The following PPP4R4 variants were observed in gnomAD, a reference collection of about 807,000 sequenced individuals.
PPP4R4 encodes the protein serine/threonine-protein phosphatase 4 regulatory subunit 4.
In PPP4R4, 70 loss-of-function variants were observed where a neutral mutation model predicts 121.8. The observed-to-expected ratio is 0.57, with a 90% CI of 0.47 to 0.70. The LOEUF is 0.70. Ranked by LOEUF, PPP4R4 falls within the 30% of genes least tolerant of loss-of-function variation. The pLI is 0.00. For synonymous variants in PPP4R4, 348 were observed against 355.7 expected, an observed-to-expected ratio of 0.98 and a Z score of 0.24; for missense variants, 875 against 1,033.6, an observed-to-expected ratio of 0.85 and a Z score of 2.10.
In PPP4R4 at chr14:94,174,461, G is replaced by C. The variant is rs1370525787; in HGVS notation, c.-5G>C. The C allele has an allele frequency of 1.9e-5, 31 of 1,592,654 alleles. No individual in the cohort carries two copies. Among genetic ancestry groups the C allele is most frequent in the Non-Finnish European group, 2.6e-5 (30 of 1,171,332 alleles). Reference sequence around the variant, plus strand: ...GGCCCGGGCGGCGAGAGTGCCCGGCGGTCCATGCATCCGCCGCCGCCCGCC... The same window carrying C: ...GGCCCGGGCGGCGAGAGTGCCCGGCCGTCCATGCATCCGCCGCCGCCCGCC... On this transcript the variant is annotated 5_prime_UTR_variant, in exon 1 of 25. Coordinates refer to ENST00000304338, the MANE Select transcript of PPP4R4 (RefSeq NM_058237.2).
intron 2 of PPP4R4, among the ~76,000 whole-genome samples, chr14:94,190,455 G>T (rs893179392): frequency 2.6e-5 from 4 of 152,138 alleles, no homozygotes; most frequent in African/African-American, 9.6e-5. Flanking sequence ...TAAAAAATTA[G>T]CCAGGTGTGG....
At chr14:94,260,899 A>AT (rs1460955490) in intron 19 of PPP4R4, among the ~76,000 whole-genome samples, 4 of 151,640 alleles carry the variant, frequency 2.6e-5, no homozygotes, top group African/African-American at 7.3e-5. Flanking sequence ...AAGATCATAG[A>AT]TTTTTTCCTC....
intron 1 of PPP4R4, among the ~76,000 whole-genome samples, chr14:94,174,950 C>A (rs1315835044): frequency 6.9e-6 from 1 of 145,274 alleles, no homozygotes; most frequent in Non-Finnish European, 1.5e-5. Context: ...CCAGCGTCCT[C>A]CGTCGCGGAC....
At chr14:94,204,177 C>G (rs1350536581) in intron 2 of PPP4R4, among the ~76,000 whole-genome samples, 1 of 152,046 alleles carries the variant, frequency 6.6e-6, no homozygotes, top group Non-Finnish European at 1.5e-5. Flanking sequence ...CACACTTGAT[C>G]TTAGTGAAAA....
chr14:94,197,036 A>G (rs1413015991), intron 2 of PPP4R4, among the ~76,000 whole-genome samples: 1 of 152,160 alleles, frequency 6.6e-6, no homozygotes, highest in Admixed American at 6.5e-5. Flanking sequence ...TCAGGGCTCT[A>G]GAGCTCCCTT....
At position 94,278,727 on chromosome 14, in the gene PPP4R4, C is replaced by T. The variant is rs1457024477; in HGVS notation, c.*84C>T. The T allele has an allele frequency of 1.5e-6, 2 of 1,317,460 alleles. No homozygotes were observed. Among genetic ancestry groups the T allele is most frequent in the East Asian group, 5.5e-5 (2 of 36,286 alleles). 81.6% of individuals were successfully genotyped at this position (1,317,460 alleles called of 1,614,324 possible). A position where few individuals can be genotyped will look rare whatever the true frequency, so the allele number is the denominator to read the frequency against. Reference sequence around the variant, plus strand: ...ACAAAAGCTAAAGCAGTGGCTGGGGCTTTGTTTTTAAATTTTGGGTTTTTT... The same window carrying T: ...ACAAAAGCTAAAGCAGTGGCTGGGGTTTTGTTTTTAAATTTTGGGTTTTTT... On this transcript the variant is annotated 3_prime_UTR_variant, in exon 25 of 25. Transcript: ENST00000304338.
intron 2 of PPP4R4, among the ~76,000 whole-genome samples, chr14:94,199,800 G>A (rs548597734): frequency 5.3e-5 from 8 of 152,254 alleles, no homozygotes; most frequent in East Asian, 3.9e-4. Context: ...ATGCGGATGC[G>A]CTCCTCTTGA....
chr14:94,202,599 G>GTTT (rs1348211676), intron 2 of PPP4R4, among the ~76,000 whole-genome samples: 1 of 152,144 alleles, frequency 6.6e-6, no homozygotes. Context: ...TAAATCATGG[G>GTTT]TACATACTGG....
chr14:94,259,188 G>T (rs2139623804), intron 18 of PPP4R4, 107 bp from the exon 19 acceptor site: 6 of 1,483,930 alleles, frequency 4.0e-6, no homozygotes, highest in Non-Finnish European at 5.4e-6. Flanking sequence ...ATGAAATTTG[G>T]ATGGGGACAC....
At chr14:94,256,639 T>A in intron 17 of PPP4R4, 35 bp downstream of exon 17, 1 of 1,535,704 alleles carries the variant, frequency 6.5e-7, no homozygotes, top group Non-Finnish European at 8.9e-7. Flanking sequence ...TTGCATTTTT[T>A]GCATTAAGGC....
intron 3 of PPP4R4, among the ~76,000 whole-genome samples, chr14:94,223,038 T>C (rs1269286190): frequency 6.6e-6 from 1 of 152,186 alleles, no homozygotes; most frequent in Non-Finnish European, 1.5e-5. Flanking sequence ...TTATTGTATT[T>C]ATCTAGTCTA....
chr14:94,206,315 A>G (rs1010691103), intron 2 of PPP4R4, among the ~76,000 whole-genome samples: 37 of 151,808 alleles, frequency 2.4e-4, no homozygotes, highest in African/African-American at 8.9e-4. Flanking sequence ...TCTATGATAC[A>G]TTATTTTCCA....
At chr14:94,215,190 C>T (rs922169174) in intron 3 of PPP4R4, among the ~76,000 whole-genome samples, 3 of 152,002 alleles carry the variant, frequency 2.0e-5, no homozygotes, top group African/African-American at 7.3e-5. Context: ...CTAACAGCTC[C>T]GTGTGATGTA....
chr14:94,242,308 A>G lies in PPP4R4; in HGVS notation c.1166A>G (p.Asp389Gly). 2 of 1,611,426 alleles carry G rather than the reference A, an allele frequency of 1.2e-6. No homozygotes were observed. The highest frequency in any genetic ancestry group is 1.7e-6 in the Non-Finnish European group (2 of 1,178,182). ...YNFPAMIVFV[D>G]PKNFHMELYS... ...CACCAGGCCATGATTGTTTTTGTTG[A>G]TCCTAAAAACTTCCACATGGAACTC... Residue 389 changes from aspartate (D) to glycine (G), a missense_variant, in exon 11 of 25, where the codon GAT (aspartate) becomes GGT (glycine). Physicochemically the swap from Asp to Gly is moderately conservative, Grantham distance 94. Coordinates refer to ENST00000304338, the MANE Select transcript of PPP4R4 (RefSeq NM_058237.2).
intron 23 of PPP4R4, among the ~76,000 whole-genome samples, chr14:94,271,386 C>G (rs541375736): frequency 9.2e-5 from 14 of 152,308 alleles, no homozygotes; most frequent in Non-Finnish European, 1.8e-4. Context: ...TGTAATACAT[C>G]ACACTAACAG....
chr14:94,240,854 T>C (rs1892593567), intron 9 of PPP4R4, 59 bp downstream of exon 9: 1 of 1,421,236 alleles, frequency 7.0e-7, no homozygotes, highest in Admixed American at 3.0e-5. Flanking sequence ...TTTTTCTACC[T>C]CAGTCATTAA....
chr14:94,267,902 G>A (rs572881497), intron 23 of PPP4R4, among the ~76,000 whole-genome samples: 1 of 151,844 alleles, frequency 6.6e-6, no homozygotes, highest in South Asian at 2.1e-4. Flanking sequence ...TATACTCATT[G>A]GCTCTTCTGT....
intron 2 of PPP4R4, among the ~76,000 whole-genome samples, chr14:94,193,066 G>A (rs911072918): frequency 1.3e-5 from 2 of 152,250 alleles, no homozygotes; most frequent in East Asian, 1.9e-4. Flanking sequence ...AGGCAATATC[G>A]TAAACTAAGA....
Position 94,240,791 on chromosome 14 carries a change from A to G in PPP4R4, c.972A>G (p.Leu324=), listed in dbSNP as rs772811793. 14 of 1,565,906 alleles carry G rather than the reference A, an allele frequency of 8.9e-6. No individual in the cohort carries two copies. Among genetic ancestry groups the G allele is most frequent in the Non-Finnish European group, 1.2e-5 (14 of 1,161,908 alleles). The change falls in exon 9 of 25, where the codon CTA becomes CTG. Residue 324 remains leucine, a synonymous_variant. Coordinates refer to ENST00000304338, the MANE Select transcript of PPP4R4 (RefSeq NM_058237.2). ...SFHLGKLCHG[L]YGIFTPDQHL... ...ATTTAGGAAAACTATGTCATGGACTATATGGTATGATATATCCTAAGAATT... is the reference window on the plus strand; with the variant it reads ...ATTTAGGAAAACTATGTCATGGACTGTATGGTATGATATATCCTAAGAATT...
Sources: allele counts gnomAD v4.1 joint callset (sites outside exome capture counted in the v4.1 genomes callset), GRCh38; gene constraint gnomAD v4.1.1; transcripts MANE v1.5; gene names NCBI Gene and HGNC (gene_info 2026-07-23, HGNC 2026-07-21).